GPRIN3: variants seen among roughly 807,000 people sequenced by gnomAD.
GPRIN3 encodes GPRIN family member 3, also known as G protein-regulated inducer of neurite outgrowth 3.
GPRIN3 carries 12 observed loss-of-function variants against 13.7 expected under a neutral mutation model. The ratio of observed to expected loss-of-function variants is 0.87; its 90% CI spans 0.56 to 1.42. The LOEUF is 1.42. GPRIN3 is among the 40% of genes most tolerant of loss of function. GPRIN3 has a pLI of 0.00. For missense variants in GPRIN3, 1,009 were observed against 958.7 expected, an observed-to-expected ratio of 1.05 and a Z score of -0.69; for synonymous variants, 377 against 372.7, an observed-to-expected ratio of 1.01 and a Z score of -0.13.
At chr4:89,254,014 T>C (rs1723400455) in intron 1 of GPRIN3, among the ~76,000 whole-genome samples, 1 of 152,108 alleles carries the variant, frequency 6.6e-6, no homozygotes, top group Non-Finnish European at 1.5e-5. Flanking sequence ...TGTGTCTTTA[T>C]CATCAACCAG....
chr4:89,305,398 A>C (rs1228902385), intron 1 of GPRIN3, among the ~76,000 whole-genome samples: 1 of 152,186 alleles, frequency 6.6e-6, no homozygotes, highest in Non-Finnish European at 1.5e-5. Context: ...TTGCAGGCTG[A>C]GACTATGTCT....
intron 1 of GPRIN3, among the ~76,000 whole-genome samples, chr4:89,282,053 G>A (rs1225399978): frequency 6.6e-6 from 1 of 151,374 alleles, no homozygotes; most frequent in African/African-American, 2.4e-5. Flanking sequence ...GTGCTGGCAA[G>A]AAGAAAAAGA....
chr4:89,248,953 A>G lies in GPRIN3; in HGVS notation c.1158T>C (p.Pro386=). ...TLAPQESSQC[P]GIMPQVHIQA... ...GAATGTGCACCTGTGGCATGATGCC[A>G]GGGCACTGGCTGGACTCCTGGGGGG... The change falls in exon 2 of 2, where the codon CCT becomes CCC. Residue 386 remains proline, a synonymous_variant. Coordinates refer to ENST00000609438, the MANE Select transcript of GPRIN3 (RefSeq NM_198281.3). 1 of 1,614,164 alleles carries G rather than the reference A, an allele frequency of 6.2e-7. No individual in the cohort carries two copies. Among genetic ancestry groups the G allele is most frequent in the East Asian group, 2.2e-5 (1 of 44,872 alleles).
At chr4:89,291,329 A>G (rs993830755) in intron 1 of GPRIN3, among the ~76,000 whole-genome samples, 3 of 152,112 alleles carry the variant, frequency 2.0e-5, no homozygotes, top group African/African-American at 7.2e-5. Context: ...ATTTCCCTTC[A>G]TGACACTTTG....
chr4:89,291,288 CAG>C (rs1187362582), intron 1 of GPRIN3, among the ~76,000 whole-genome samples: 5 of 152,118 alleles, frequency 3.3e-5, no homozygotes, highest in South Asian at 4.1e-4. Context: ...ACAATCAAGA[CAG>C]AATAATTTCC....
At chr4:89,275,338 C>T (rs1179328497) in intron 1 of GPRIN3, among the ~76,000 whole-genome samples, 11 of 152,108 alleles carry the variant, frequency 7.2e-5, no homozygotes, top group Admixed American at 7.2e-4. Context: ...GAAATTTTTA[C>T]CGATAATGTC....
chr4:89,284,372 A>G (rs1178080152), intron 1 of GPRIN3, among the ~76,000 whole-genome samples: 2 of 152,318 alleles, frequency 1.3e-5, no homozygotes, highest in African/African-American at 4.8e-5. Context: ...TGCCTCTAGG[A>G]TCAGATTATT....
Position 89,250,226 on chromosome 4 carries a change from G to C in GPRIN3, c.-116C>G. Reference sequence around the variant, plus strand: ...CACAGTCAGGGATGATTCCTCTGAAGAACCAGCCTGTGAATCAAGGAAACA... The same window carrying C: ...CACAGTCAGGGATGATTCCTCTGAACAACCAGCCTGTGAATCAAGGAAACA... On this transcript the variant is annotated 5_prime_UTR_variant, in exon 2 of 2. Transcript: ENST00000609438. The C allele has an allele frequency of 6.7e-7, 1 of 1,501,016 alleles. No homozygotes were observed. The highest frequency in any genetic ancestry group is 8.9e-7 in the Non-Finnish European group (1 of 1,125,814). 93.0% of individuals were successfully genotyped at this position (1,501,016 alleles called of 1,614,324 possible). A position where few individuals can be genotyped will look rare whatever the true frequency, so the allele number is the denominator to read the frequency against.
intron 1 of GPRIN3, among the ~76,000 whole-genome samples, chr4:89,254,947 A>G (rs543192221): frequency 6.6e-6 from 1 of 152,326 alleles, no homozygotes; most frequent in Admixed American, 6.5e-5. Context: ...TCCACATGGC[A>G]ACCACTAGGT....
chr4:89,288,148 A>G (rs1442011094), intron 1 of GPRIN3, among the ~76,000 whole-genome samples: 2 of 152,268 alleles, frequency 1.3e-5, no homozygotes, highest in African/African-American at 4.8e-5. Context: ...GATGTCCCTG[A>G]GCCGTGTCTG....
rs1723097966 is a variant in GPRIN3 at position 89,246,332 on chromosome 4, A to C, written c.*1448T>G. 1 of 152,146 alleles carries C rather than the reference A, an allele frequency of 6.6e-6. No individual in the cohort carries two copies. The highest frequency in any genetic ancestry group is 2.4e-5 in the African/African-American group (1 of 41,408). The allele number at this position is 152,146 out of a possible 1,614,324, so 9.4% of individuals were successfully genotyped here. Reference sequence around the variant, plus strand: ...GCAAAATGGAGACCAGCACTCCCCCAACAATATCTGCAGGAAGGGAAGGCT... The same window carrying C: ...GCAAAATGGAGACCAGCACTCCCCCCACAATATCTGCAGGAAGGGAAGGCT... On this transcript the variant is annotated 3_prime_UTR_variant, in exon 2 of 2. Transcript: ENST00000609438.
At position 89,250,038 on chromosome 4, in the gene GPRIN3, G is replaced by C. The variant is rs763071843; in HGVS notation, c.73C>G (p.Leu25Val). Residue 25 changes from leucine to valine, a missense_variant, in exon 2 of 2, where the codon CTA becomes GTA. Transcript: ENST00000609438. The stretch of plus-strand genomic sequence containing the variant: ...GGTGAGGCAGCCTGTGGCTCTCCTA[G>C]ATCGTCTTCTTTTCCGGAAGCTGCA... ...LIAASGKEDD[L>V]GEPQAASPRH... The C allele has an allele frequency of 6.2e-7, 1 of 1,614,220 alleles. No homozygotes were observed. Among genetic ancestry groups the C allele is most frequent in the South Asian group, 1.1e-5 (1 of 91,090 alleles).
At chr4:89,257,153 C>CTA (rs1199266284) in intron 1 of GPRIN3, among the ~76,000 whole-genome samples, 2 of 152,228 alleles carry the variant, frequency 1.3e-5, no homozygotes, top group Non-Finnish European at 2.9e-5. Context: ...GAAAGGAAGA[C>CTA]TGCTTTGCTT....
At chr4:89,275,627 G>A (rs1232656528) in intron 1 of GPRIN3, among the ~76,000 whole-genome samples, 1 of 152,190 alleles carries the variant, frequency 6.6e-6, no homozygotes, top group Non-Finnish European at 1.5e-5. Context: ...TACACTCTTG[G>A]AGGAGCAGAA....
rs959905010 is a variant in GPRIN3, at chr4:89,298,346, G to C, written c.-124+9269C>G. 1.2e-4 allele frequency among the ~76,000 whole-genome samples: 19 copies of C among 152,234 alleles called. 1 individual carries two copies. Among genetic ancestry groups the C allele is most frequent in the African/African-American group, 4.6e-4 (19 of 41,522 alleles). ...ATACAGTTTTCAAGTTAGCCTGGCA[G>C]GGAGGAAAGGAACCCAGGTGTGGCA... On this transcript the variant is annotated intron_variant, in intron 1 of 1. Transcript: ENST00000609438.
In GPRIN3 at chr4:89,247,827, G is replaced by T. The variant is rs1180703495; in HGVS notation, c.2284C>A (p.Arg762Ser). The change falls in exon 2 of 2, where the codon CGC becomes AGC. Residue 762 changes from arginine (R) to serine (S), a missense_variant. By Grantham distance (110) the Arg-to-Ser change is moderately radical (BLOSUM62 -1). Transcript: ENST00000609438. ...GCAGGACGGACGCAGCAGTTGGGGC[G>T]TCGGAAGTTCTGCAGCATGGACTGG... Reference protein sequence around the residue: ...VFQSMLQNFRRPNCCVRPAPS... With the variant: ...VFQSMLQNFRSPNCCVRPAPS... The T allele has an allele frequency of 1.9e-6, 3 of 1,613,966 alleles. No homozygotes were observed. The highest frequency in any genetic ancestry group is 2.5e-6 in the Non-Finnish European group (3 of 1,179,844).
intron 1 of GPRIN3, among the ~76,000 whole-genome samples, chr4:89,294,564 T>C (rs1193691022): frequency 2.0e-5 from 3 of 152,160 alleles, no homozygotes; most frequent in Non-Finnish European, 4.4e-5. Context: ...CATTTTTACA[T>C]CCTCCCATAC....
intron 1 of GPRIN3, among the ~76,000 whole-genome samples, chr4:89,301,480 G>T (rs1724895811): frequency 6.6e-6 from 1 of 152,112 alleles, no homozygotes; most frequent in Non-Finnish European, 1.5e-5. Flanking sequence ...AAAATGCTCT[G>T]ATTACTCAGA....
In GPRIN3 at chr4:89,259,195, G is replaced by A. The variant is rs185748513; in HGVS notation, c.-123-8962C>T. Among the ~76,000 whole-genome samples the A allele has an allele frequency of 4.0e-3, 610 of 152,190 alleles. 3 individuals are homozygous for A. The highest frequency in any genetic ancestry group is 7.0e-3 in the Non-Finnish European group (478 of 68,006). ...ATAAGCTTTATTCTTTTTCATTCAGGTGGGAGGAATAGACTTTTTTGGTCC... is the reference window on the plus strand; with the variant it reads ...ATAAGCTTTATTCTTTTTCATTCAGATGGGAGGAATAGACTTTTTTGGTCC... On this transcript the variant is annotated intron_variant, in intron 1 of 1. Coordinates refer to ENST00000609438, the MANE Select transcript of GPRIN3 (RefSeq NM_198281.3).
Sources: allele counts gnomAD v4.1 joint callset (sites outside exome capture counted in the v4.1 genomes callset), GRCh38; gene constraint gnomAD v4.1.1; transcripts MANE v1.5; gene names NCBI Gene and HGNC (gene_info 2026-07-23, HGNC 2026-07-21).